SEPTIN9: variants seen among roughly 807,000 people sequenced by gnomAD.
The protein encoded by SEPTIN9 is septin-9.
SEPTIN9 carries 13 observed loss-of-function variants against 56.6 expected under a neutral mutation model. That is an observed-to-expected ratio of 0.23 (90% CI 0.15 to 0.37). The LOEUF (loss-of-function observed/expected upper bound fraction) is 0.37. SEPTIN9 is among the 10% of genes least tolerant of loss of function. The pLI is 1.00. For missense variants in SEPTIN9, 650 were observed against 823.1 expected (o/e 0.79, Z 2.57); for synonymous variants, 332 against 334.1 (o/e 0.99, Z 0.07).
intron 7 of SEPTIN9, 108 bp from the exon 8 acceptor site, chr17:77,490,634 C>G: frequency 1.2e-6 from 1 of 862,252 alleles, no homozygotes; most frequent in South Asian, 1.5e-5. Flanking sequence ...CAGGGACCCC[C>G]GTGAGCCCCG....
rs1190673844 is a variant in SEPTIN9 at position 77,492,237 on chromosome 17, T to G, written c.1381-384T>G. ...GGGCTGCTGGCAGGGAGCTGAGAGG[T>G]TACTGCAGGCGGGGCCCCTGCTGGA... On this transcript the variant is annotated intron_variant, in intron 8 of 11. Transcript: ENST00000427177. The surrounding 1 kb of genome is among the most constrained non-coding windows in gnomAD (Gnocchi z 5.4). Among the ~76,000 whole-genome samples, 1 of 151,712 alleles carries G rather than the reference T, an allele frequency of 6.6e-6. No individual in the cohort carries two copies. The highest frequency in any genetic ancestry group is 1.5e-5 in the Non-Finnish European group (1 of 67,910).
chr17:77,480,199 T>G (rs542298528), intron 3 of SEPTIN9, among the ~76,000 whole-genome samples: 1 of 152,298 alleles, frequency 6.6e-6, no homozygotes, highest in East Asian at 1.9e-4. Context: ...TATTGTTCCT[T>G]TGTTCCCCCA....
At chr17:77,497,412 G>T (rs750636585) in intron 11 of SEPTIN9, 46 bp downstream of exon 11, 4 of 1,583,728 alleles carry the variant, frequency 2.5e-6, no homozygotes, top group African/African-American at 1.3e-5. Flanking sequence ...TCACCCCTAA[G>T]AGGGCCCTAC....
intron 3 of SEPTIN9, among the ~76,000 whole-genome samples, chr17:77,410,896 C>T (rs1182372095): frequency 6.6e-6 from 1 of 152,158 alleles, no homozygotes; most frequent in Non-Finnish European, 1.5e-5. Context: ...CTCCCATTCT[C>T]CCTGTGACCT....
Position 77,425,567 on chromosome 17 carries a change from C to T in SEPTIN9, c.721+22864C>T, listed in dbSNP as rs987289874. ...GGCGGGCCTCGCACACCCCCAAGGC[C>T]GCCTGACTTCCAGCCTCCAAGTGGG... is the stretch of plus-strand genomic sequence containing the variant. On this transcript the variant is annotated intron_variant, in intron 3 of 11. Coordinates refer to ENST00000427177, the MANE Select transcript of SEPTIN9 (RefSeq NM_001113491.2). The surrounding 1 kb of genome is among the most constrained non-coding windows in gnomAD (Gnocchi z 4.2). Among the ~76,000 whole-genome samples the T allele has an allele frequency of 6.6e-6, 1 of 152,162 alleles. No homozygotes were observed. Among genetic ancestry groups the T allele is most frequent in the Non-Finnish European group, 1.5e-5 (1 of 68,024 alleles).
intron 3 of SEPTIN9, among the ~76,000 whole-genome samples, chr17:77,432,467 C>CG (rs2037181820): frequency 6.6e-6 from 1 of 152,232 alleles, no homozygotes; most frequent in African/African-American, 2.4e-5. Context: ...GTGCTGAGAA[C>CG]GGGGGTAGAG....
intron 3 of SEPTIN9, among the ~76,000 whole-genome samples, chr17:77,471,700 C>G (rs944543209): frequency 6.6e-6 from 1 of 152,222 alleles, no homozygotes; most frequent in Non-Finnish European, 1.5e-5. Flanking sequence ...CACCCACCCA[C>G]GGGGGAACTT....
intron 3 of SEPTIN9, among the ~76,000 whole-genome samples, chr17:77,463,160 T>G (rs565288220): frequency 9.7e-4 from 148 of 152,304 alleles, no homozygotes; most frequent in Admixed American, 3.2e-3. Flanking sequence ...TATGATCTAC[T>G]TCAGAGAAGG....
rs2036720564 is a variant in SEPTIN9 at position 77,421,934 on chromosome 17, C to T, written c.721+19231C>T. On this transcript the variant is annotated intron_variant, in intron 3 of 11. Coordinates refer to ENST00000427177, the MANE Select transcript of SEPTIN9 (RefSeq NM_001113491.2). The surrounding 1 kb of genome is among the most constrained non-coding windows in gnomAD (Gnocchi z 4.6). Reference sequence around the variant, plus strand: ...CCCAATGTCCCGCTCACTGTGATCTCGACCTCCTAGGCTCAGCAGTCCTCC... The same window carrying T: ...CCCAATGTCCCGCTCACTGTGATCTTGACCTCCTAGGCTCAGCAGTCCTCC... Among the ~76,000 whole-genome samples the T allele has an allele frequency of 6.6e-6, 1 of 152,120 alleles. No individual in the cohort carries two copies. Among genetic ancestry groups the T allele is most frequent in the Non-Finnish European group, 1.5e-5 (1 of 68,020 alleles).
Position 77,291,279 on chromosome 17 carries a change from C to G in SEPTIN9, c.19+9725C>G, listed in dbSNP as rs552225238. Among the ~76,000 whole-genome samples the G allele has an allele frequency of 9.9e-5, 15 of 151,126 alleles. No individual in the cohort carries two copies. The South Asian group carries it at 1.7e-3, about 17-fold the overall frequency. ...TCAAACTCCTGACCTCGTGATCCACCTGCCTTGGCCTCCCAAAGTGCTGGG... is the reference window on the plus strand; with the variant it reads ...TCAAACTCCTGACCTCGTGATCCACGTGCCTTGGCCTCCCAAAGTGCTGGG... On this transcript the variant is annotated intron_variant, in intron 1 of 11. Transcript: ENST00000427177.
At chr17:77,398,628 CCA>C (rs2035803112) in intron 2 of SEPTIN9, among the ~76,000 whole-genome samples, 1 of 152,166 alleles carries the variant, frequency 6.6e-6, no homozygotes, top group African/African-American at 2.4e-5. Context: ...ATGGACACCC[CCA>C]GAGTGGGGCA....
rs575867868 is a variant in SEPTIN9 at position 77,499,189 on chromosome 17, G to T, written c.*531G>T. ...TGGCCATCACTCAGCCCCTACCCCT[G>T]CCCTGCTCCTAAGGGTAGAAAACTC... is the stretch of plus-strand genomic sequence containing the variant. On this transcript the variant is annotated 3_prime_UTR_variant, in exon 12 of 12. Coordinates refer to ENST00000427177, the MANE Select transcript of SEPTIN9 (RefSeq NM_001113491.2). 1.8e-6 allele frequency: 1 copy of T among 545,564 alleles called. No individual in the cohort carries two copies. Among genetic ancestry groups the T allele is most frequent in the Non-Finnish European group, 3.5e-6 (1 of 281,974 alleles). 33.8% of individuals were successfully genotyped at this position (545,564 alleles called of 1,614,324 possible).
In SEPTIN9 at chr17:77,314,661, G is replaced by A. The variant is rs1159731032; in HGVS notation, c.76+7464G>A. Among the ~76,000 whole-genome samples the A allele has an allele frequency of 5.9e-5, 9 of 152,174 alleles. No individual in the cohort carries two copies. The South Asian group carries it at 6.2e-4, about 11-fold the overall frequency. ...AAAGATGCGTTCTCTCCACCTCCGC[G>A]CAGCACCCTTCCCCAGTGTGTACTC... On this transcript the variant is annotated intron_variant, in intron 2 of 11. Coordinates refer to ENST00000427177, the MANE Select transcript of SEPTIN9 (RefSeq NM_001113491.2).
chr17:77,395,526 CAAA>C (rs72242549), intron 2 of SEPTIN9, among the ~76,000 whole-genome samples: 24 of 115,298 alleles, frequency 2.1e-4, no homozygotes, highest in African/African-American at 4.3e-4. Flanking sequence ...GAGACTGTCT[CAAA>C]AAAAAAAAAA....
chr17:77,322,178 G>A (rs1167539364), intron 2 of SEPTIN9, among the ~76,000 whole-genome samples: 1 of 152,244 alleles, frequency 6.6e-6, no homozygotes, highest in Non-Finnish European at 1.5e-5. Flanking sequence ...GAGCAGAGAG[G>A]CGTGGGTTTG....
intron 3 of SEPTIN9, among the ~76,000 whole-genome samples, chr17:77,411,669 C>G (rs185541577): frequency 6.6e-6 from 1 of 152,102 alleles, no homozygotes; most frequent in East Asian, 1.9e-4. Context: ...CAAAGTAGCA[C>G]GTTCCTTTTA....
chr17:77,457,014 C>T (rs115232349), intron 3 of SEPTIN9, among the ~76,000 whole-genome samples: 1 of 152,224 alleles, frequency 6.6e-6, no homozygotes, highest in East Asian at 1.9e-4. Context: ...GCCATCACTG[C>T]GGTCTCAGGG....
In SEPTIN9 at chr17:77,317,190, C is replaced by T. The variant is rs543785331; in HGVS notation, c.76+9993C>T. Among the ~76,000 whole-genome samples the T allele has an allele frequency of 2.3e-4, 35 of 152,294 alleles. No homozygotes were observed. The South Asian group carries it at 6.4e-3, about 28-fold the overall frequency. On this transcript the variant is annotated intron_variant, in intron 2 of 11. Coordinates refer to ENST00000427177, the MANE Select transcript of SEPTIN9 (RefSeq NM_001113491.2). This position sits in a 1 kb window ranked among gnomAD's most constrained non-coding sequence, Gnocchi z 4.2. ...CCACAAGCTGGCTGGGTCACAACAA[C>T]GCCCAGCCATCCTCTCACAGCTCTG...
chr17:77,361,269 CTG>C (rs2034409157), intron 2 of SEPTIN9, among the ~76,000 whole-genome samples: 2 of 152,332 alleles, frequency 1.3e-5, no homozygotes, highest in South Asian at 4.1e-4. Context: ...GATTTGCCTA[CTG>C]ATGTCTGTGT....
Sources: gnomAD v4.1 joint callset for allele counts (sites outside exome capture counted in the v4.1 genomes callset) on GRCh38, gnomAD v4.1.1 for gene constraint, Gnocchi (gnomAD v3.1) non-coding constraint, MANE v1.5 for transcripts, NCBI Gene and HGNC (gene_info 2026-07-23, HGNC 2026-07-21) for gene names.